MUCL1: variants seen among roughly 807,000 people sequenced by gnomAD.
The protein encoded by MUCL1 is mucin like 1.
Under a neutral mutation model 9.2 loss-of-function variants are expected in MUCL1, and 11 were observed. The ratio of observed to expected loss-of-function variants is 1.19; its 90% CI spans 0.75 to 1.97. The LOEUF is 1.97. MUCL1 is among the 30% of genes most tolerant of loss of function. The pLI is 0.00. For synonymous variants in MUCL1, 48 were observed against 40.5 expected, an observed-to-expected ratio of 1.19 and a Z score of -0.71; for missense variants, 144 against 110.9, an observed-to-expected ratio of 1.30 and a Z score of -1.34.
intron 1 of MUCL1, 123 bp downstream of exon 1, chr12:54,854,763 A>C: frequency 2.5e-6 from 2 of 788,360 alleles, no homozygotes; most frequent in South Asian, 3.6e-5. Flanking sequence ...TTGTTCTATC[A>C]CCATTTTGAC....
upstream of MUCL1, among the ~76,000 whole-genome samples, chr12:54,835,577 G>A (rs1229623381): frequency 6.9e-6 from 1 of 145,322 alleles, no homozygotes; most frequent in Non-Finnish European, 1.5e-5. Flanking sequence ...GTGTCTATTC[G>A]TGTCACGTGT....
upstream of MUCL1, among the ~76,000 whole-genome samples, chr12:54,838,204 T>C (rs1260673140): frequency 2.0e-5 from 3 of 152,226 alleles, no homozygotes; most frequent in Admixed American, 6.5e-5. Flanking sequence ...TTTTGCTTGA[T>C]ACAGAATTCT....
upstream of MUCL1, among the ~76,000 whole-genome samples, chr12:54,853,621 T>A (rs1868272316): frequency 6.6e-6 from 1 of 152,164 alleles, no homozygotes; most frequent in East Asian, 1.9e-4. Context: ...ATAAAATTGC[T>A]CCCCATTTTC....
chr12:54,853,856 A>G (rs76144064), upstream of MUCL1, among the ~76,000 whole-genome samples: 949 of 152,332 alleles, frequency 6.2e-3, 11 homozygotes, highest in African/African-American at 0.021. Context: ...TTTTTGAATG[A>G]AAAAATTGAT....
upstream of MUCL1, among the ~76,000 whole-genome samples, chr12:54,850,702 A>G (rs1317514696): frequency 6.6e-6 from 1 of 152,180 alleles, no homozygotes; most frequent in East Asian, 1.9e-4. Context: ...GTCAAATGGT[A>G]TTTCTAGTTC....
upstream of MUCL1, among the ~76,000 whole-genome samples, chr12:54,851,926 ATACC>A (rs1319707226): frequency 6.6e-6 from 1 of 152,224 alleles, no homozygotes; most frequent in African/African-American, 2.4e-5. Context: ...AGAGAATAAA[ATACC>A]TAGGAATCCA....
chr12:54,847,822 C>T (rs10876632), intron 1 of MUCL1, among the ~76,000 whole-genome samples: 68,766 of 151,880 alleles, frequency 0.45, 16,534 homozygotes, highest in East Asian at 0.84. Context: ...ACAGAAGTTA[C>T]GGGTCATGCA....
chr12:54,855,232 G>C, intron 2 of MUCL1, 75 bp downstream of exon 2: 2 of 1,291,458 alleles, frequency 1.5e-6, no homozygotes, highest in Non-Finnish European at 2.2e-6. Flanking sequence ...CAAACAGCCA[G>C]TTTCCATGTG....
At chr12:54,843,662 A>T (rs542705352) in intron 1 of MUCL1, among the ~76,000 whole-genome samples, 14 of 152,338 alleles carry the variant, frequency 9.2e-5, no homozygotes, top group Non-Finnish European at 2.1e-4. Flanking sequence ...GACAAACTCA[A>T]ATAATCATTG....
At position 54,856,701 on chromosome 12, in the gene MUCL1, C is replaced by T. The variant is rs1299081417; in HGVS notation, c.101-69C>T. 3.2e-6 allele frequency: 5 copies of T among 1,545,214 alleles called. No homozygotes were observed. The East Asian group carries it at 7.3e-5, about 23-fold the overall frequency. The stretch of plus-strand genomic sequence containing the variant: ...ATTCAGGATGAGGAATGTATGTCTA[C>T]CCCTGGGTGGGATAAATTTTGTTCC... On this transcript the variant is annotated intron_variant, in intron 2 of 3. Coordinates refer to ENST00000308796, the MANE Select transcript of MUCL1 (RefSeq NM_058173.3).
At chr12:54,849,500 A>T (rs1165602860) in intron 1 of MUCL1, among the ~76,000 whole-genome samples, 2 of 152,044 alleles carry the variant, frequency 1.3e-5, no homozygotes, top group African/African-American at 2.4e-5. Context: ...AGCAGTAGTA[A>T]AAAGTTTTGG....
intron 1 of MUCL1, among the ~76,000 whole-genome samples, chr12:54,843,254 T>C (rs572083444): frequency 3.3e-5 from 5 of 152,166 alleles, no homozygotes; most frequent in Non-Finnish European, 5.9e-5. Flanking sequence ...GTCTTTGGTA[T>C]GATGTTTGCT....
chr12:54,854,578 C>T lies in MUCL1; in HGVS notation c.-5C>T, dbSNP rs76543974. 3.4e-3 allele frequency: 5,536 copies of T among 1,612,140 alleles called. 151 individuals are homozygous for T. In the African/African-American group the frequency reaches 0.066, roughly 19 times the overall value. On this transcript the variant is annotated 5_prime_UTR_variant, in exon 1 of 4. Coordinates refer to ENST00000308796, the MANE Select transcript of MUCL1 (RefSeq NM_058173.3). The stretch of plus-strand genomic sequence containing the variant: ...TCTGTGCTCCCTGATCTTCAGGTCA[C>T]CACCATGAAGTTCTTAGCAGTCCTG...
At chr12:54,843,004 A>C (rs912002015) in intron 1 of MUCL1, among the ~76,000 whole-genome samples, 1 of 152,224 alleles carries the variant, frequency 6.6e-6, no homozygotes, top group Admixed American at 6.5e-5. Flanking sequence ...TACAGTATTC[A>C]GTGTAGAAAC....
intron 1 of MUCL1, among the ~76,000 whole-genome samples, chr12:54,844,014 G>C (rs958911189): frequency 1.3e-5 from 2 of 151,976 alleles, no homozygotes; most frequent in African/African-American, 4.8e-5. Flanking sequence ...ACTAGATTTG[G>C]TAATTTATTG....
chr12:54,852,494 A>T (rs962940526), upstream of MUCL1, among the ~76,000 whole-genome samples: 8 of 152,234 alleles, frequency 5.3e-5, no homozygotes, highest in African/African-American at 1.9e-4. Context: ...TACACCTTAT[A>T]CAAAAATTCA....
chr12:54,848,481 T>C (rs1000076458), intron 1 of MUCL1, among the ~76,000 whole-genome samples: 2 of 152,230 alleles, frequency 1.3e-5, no homozygotes, highest in South Asian at 2.1e-4. Context: ...CCACTTAATT[T>C]AAAAGCTCTA....
At chr12:54,845,968 C>T (rs570150697) in intron 1 of MUCL1, among the ~76,000 whole-genome samples, 2 of 152,162 alleles carry the variant, frequency 1.3e-5, no homozygotes, top group African/African-American at 2.4e-5. Context: ...ATTTAATTGC[C>T]TCATCTCTTT....
intron 1 of MUCL1, among the ~76,000 whole-genome samples, chr12:54,833,970 A>AT (rs1327168485): frequency 1.6e-5 from 2 of 125,258 alleles, no homozygotes; most frequent in Non-Finnish European, 3.5e-5. Flanking sequence ...TTAAAGTATA[A>AT]TAAAAAAAAG....
Sources: gnomAD v4.1 joint callset for allele counts (sites outside exome capture counted in the v4.1 genomes callset) on GRCh38, gnomAD v4.1.1 for gene constraint, MANE v1.5 for transcripts, NCBI Gene and HGNC (gene_info 2026-07-23, HGNC 2026-07-21) for gene names.